CSTF3: variants seen among roughly 807,000 people sequenced by gnomAD.
CSTF3 encodes the protein cleavage stimulation factor subunit 3.
A neutral mutation model predicts 105.8 loss-of-function variants in CSTF3; 29 were observed. The ratio of observed to expected loss-of-function variants is 0.27; its 90% confidence interval spans 0.20 to 0.37. CSTF3 has a LOEUF of 0.37. CSTF3 is among the 10% of genes least tolerant of loss of function. The pLI, the probability that CSTF3 is intolerant of heterozygous loss-of-function variation, is 1.00. For missense variants in CSTF3, 357 were observed against 879.3 expected (o/e 0.41, Z 7.51); for synonymous variants, 252 against 281.9 (o/e 0.89, Z 1.06).
intron 15 of CSTF3, among the ~76,000 whole-genome samples, chr11:33,094,484 T>C (rs1189676374): frequency 5.9e-5 from 9 of 152,206 alleles, no homozygotes; most frequent in Non-Finnish European, 7.3e-5. Context: ...GATAGATGGA[T>C]AGATGAATGA....
chr11:33,105,968 A>G, intron 6 of CSTF3, 30 bp downstream of exon 6: 1 of 1,583,610 alleles, frequency 6.3e-7, no homozygotes, highest in Non-Finnish European at 8.6e-7. Flanking sequence ...CTTACATTTA[A>G]GTGCATACAT....
intron 3 of CSTF3, 21 bp downstream of exon 3, chr11:33,141,646 A>G: frequency 6.3e-7 from 1 of 1,599,694 alleles, no homozygotes; most frequent in Middle Eastern, 1.7e-4. Flanking sequence ...GATATAAGAA[A>G]AAATAAAATA....
At chr11:33,149,681 C>G (rs2133805416) in intron 1 of CSTF3, among the ~76,000 whole-genome samples, 1 of 152,286 alleles carries the variant, frequency 6.6e-6, no homozygotes, top group East Asian at 1.9e-4. Context: ...GTCAGGAGTT[C>G]AAGACCAGTC....
At chr11:33,156,188 C>T (rs1705580079) in intron 1 of CSTF3, among the ~76,000 whole-genome samples, 1 of 152,142 alleles carries the variant, frequency 6.6e-6, no homozygotes, top group Non-Finnish European at 1.5e-5. Flanking sequence ...AACTGTTACA[C>T]CAAACAAGCA....
chr11:33,125,588 G>A (rs1313431783), intron 3 of CSTF3, among the ~76,000 whole-genome samples: 2 of 152,158 alleles, frequency 1.3e-5, no homozygotes, highest in Admixed American at 6.5e-5. Flanking sequence ...CTACTCAGAC[G>A]GACGCAACTT....
intron 3 of CSTF3, among the ~76,000 whole-genome samples, chr11:33,131,165 T>C (rs543596621): frequency 1.3e-5 from 2 of 152,334 alleles, no homozygotes; most frequent in South Asian, 2.1e-4. Flanking sequence ...ATTAAAAAAC[T>C]ATGGAAGTAT....
At chr11:33,156,545 A>G (rs1849868458) in intron 1 of CSTF3, among the ~76,000 whole-genome samples, 1 of 152,230 alleles carries the variant, frequency 6.6e-6, no homozygotes, top group African/African-American at 2.4e-5. Context: ...CGTATTTATG[A>G]GCCTAAATGC....
intron 3 of CSTF3, among the ~76,000 whole-genome samples, chr11:33,138,744 C>A (rs909512173): frequency 6.6e-6 from 1 of 151,794 alleles, no homozygotes; most frequent in East Asian, 1.9e-4. Flanking sequence ...ACTGTTAAAT[C>A]ATGTGACCTA....
intron 3 of CSTF3, among the ~76,000 whole-genome samples, chr11:33,116,054 G>A (rs1426834098): frequency 6.6e-6 from 1 of 152,086 alleles, no homozygotes; most frequent in Non-Finnish European, 1.5e-5. Context: ...AGAACTACTT[G>A]TCAAAAATGA....
intron 1 of CSTF3, among the ~76,000 whole-genome samples, chr11:33,153,267 T>C (rs1849812771): frequency 6.6e-6 from 1 of 152,132 alleles, no homozygotes; most frequent in South Asian, 2.1e-4. Context: ...CACAGTTACG[T>C]AGTTGGAAAA....
At chr11:33,117,809 C>A (rs1345985833) in intron 3 of CSTF3, among the ~76,000 whole-genome samples, 1 of 151,586 alleles carries the variant, frequency 6.6e-6, no homozygotes, top group Non-Finnish European at 1.5e-5. Flanking sequence ...ATATACACAC[C>A]CACAGGAACT....
chr11:33,098,775 A>C lies in CSTF3; in HGVS notation c.1054-11T>G. The stretch of plus-strand genomic sequence containing the variant: ...ATACTTCATGCGACTCTAAGGTGGT[A>C]CAGAAGAAGTGAGTATCAACATATG... On this transcript the variant is annotated splice_polypyrimidine_tract_variant and intron_variant, in intron 12 of 20. Coordinates refer to ENST00000323959, the MANE Select transcript of CSTF3 (RefSeq NM_001326.3). 1 of 1,503,182 alleles carries C rather than the reference A, an allele frequency of 6.7e-7. No homozygotes were observed. The highest frequency in any genetic ancestry group is 8.9e-7 in the Non-Finnish European group (1 of 1,129,188). The allele number at this position is 1,503,182 out of a possible 1,614,324, so 93.1% of individuals were successfully genotyped here.
At chr11:33,140,522 G>C (rs1292122561) in intron 3 of CSTF3, among the ~76,000 whole-genome samples, 1 of 151,936 alleles carries the variant, frequency 6.6e-6, no homozygotes, top group Admixed American at 6.6e-5. Flanking sequence ...CTAAACTATA[G>C]CACAAATACA....
chr11:33,090,792 C>T (rs757572408), intron 16 of CSTF3, 65 bp from the exon 17 acceptor site: 18 of 1,097,390 alleles, frequency 1.6e-5, no homozygotes. Flanking sequence ...AGTTCATTTA[C>T]AAAAACGCCT....
At position 33,099,301 on chromosome 11, in the gene CSTF3, A is replaced by G; in HGVS notation, c.937-151T>C. 1 of 1,021,918 alleles carries G rather than the reference A, an allele frequency of 9.8e-7. No individual in the cohort carries two copies. The highest frequency in any genetic ancestry group is 1.4e-6 in the Non-Finnish European group (1 of 721,372). 63.3% of individuals were successfully genotyped at this position (1,021,918 alleles called of 1,614,324 possible). On this transcript the variant is annotated intron_variant, in intron 11 of 20. Transcript: ENST00000323959. The surrounding 1 kb of genome is among the most constrained non-coding windows in gnomAD (Gnocchi z 4.1). Reference sequence around the variant, plus strand: ...CATATATATGTATCCACACACACACATACATAAACACATATGCATTTCTGG... The same window carrying G: ...CATATATATGTATCCACACACACACGTACATAAACACATATGCATTTCTGG...
At chr11:33,153,186 G>A (rs906974203) in intron 1 of CSTF3, among the ~76,000 whole-genome samples, 1 of 151,642 alleles carries the variant, frequency 6.6e-6, no homozygotes, top group Admixed American at 6.6e-5. Context: ...CTGAATAGAA[G>A]ACATTATCTG....
At chr11:33,117,688 T>C (rs944527256) in intron 3 of CSTF3, among the ~76,000 whole-genome samples, 4 of 151,764 alleles carry the variant, frequency 2.6e-5, no homozygotes, top group Admixed American at 6.6e-5. Flanking sequence ...AGGATGTTCA[T>C]TGAAAGAGTA....
At chr11:33,111,148 T>G (rs573698504) in intron 3 of CSTF3, among the ~76,000 whole-genome samples, 10 of 152,248 alleles carry the variant, frequency 6.6e-5, no homozygotes, top group Admixed American at 6.5e-4. Context: ...GAGAATCACT[T>G]GAACCCGGGA....
intron 1 of CSTF3, among the ~76,000 whole-genome samples, chr11:33,157,116 GCTGAGGCAGGCAGATCA>G (rs1849876704): frequency 6.6e-6 from 1 of 152,084 alleles, no homozygotes; most frequent in South Asian, 2.1e-4. Context: ...ACTTTGGGAG[GCTGAGGCAGGCAGATCA>G]CTTGAGGTCA....
Sources: gnomAD v4.1 joint callset for allele counts (sites outside exome capture counted in the v4.1 genomes callset) on GRCh38, gnomAD v4.1.1 for gene constraint, Gnocchi (gnomAD v3.1) non-coding constraint, MANE v1.5 for transcripts, NCBI Gene and HGNC (gene_info 2026-07-23, HGNC 2026-07-21) for gene names.